The following SECISBP2 variants were observed in gnomAD, a reference collection of about 807,000 sequenced individuals.
SECISBP2 encodes the protein SECIS binding protein 2.
SECISBP2 carries 96 observed loss-of-function variants against 98.2 expected under a neutral mutation model. That is an observed-to-expected ratio of 0.98 (90% CI 0.83 to 1.16). SECISBP2 has a LOEUF of 1.16. SECISBP2 is among the 50% of genes most tolerant of loss of function. SECISBP2 has a pLI of 0.00. For synonymous variants in SECISBP2, 407 were observed against 370.2 expected (o/e 1.10, Z -1.14); for missense variants, 1,046 against 1,022.9 (o/e 1.02, Z -0.31).
downstream of SECISBP2, chr9:89,364,344 A>C: frequency 3.2e-6 from 1 of 311,738 alleles, no homozygotes; most frequent in Non-Finnish European, 6.4e-6. Flanking sequence ...GAGACATCCC[A>C]AGGCTCTGCC....
downstream of SECISBP2, chr9:89,363,575 G>A (rs1833097305): frequency 1.2e-6 from 2 of 1,610,346 alleles, no homozygotes; most frequent in Non-Finnish European, 1.7e-6. Flanking sequence ...GGGCCTTTAT[G>A]GCACCCTTGA....
In SECISBP2 at chr9:89,349,233, G is replaced by A. The variant is rs186624021; in HGVS notation, c.1739-543G>A. 1.9e-3 allele frequency among the ~76,000 whole-genome samples: 287 copies of A among 152,168 alleles called. 1 individual carries two copies. The highest frequency in any genetic ancestry group is 3.2e-3 in the Non-Finnish European group (216 of 67,994). On this transcript the variant is annotated intron_variant, in intron 12 of 16. Transcript: ENST00000375807. ...TTACTGCAATTGCATTTTGATAGTC[G>A]GTAGAAGTAACTAGTTGGGGACAGT...
At chr9:89,318,756 G>A in intron 1 of SECISBP2, 144 bp downstream of exon 1, 6 of 1,226,686 alleles carry the variant, frequency 4.9e-6, no homozygotes, top group Non-Finnish European at 6.3e-6. Flanking sequence ...CCGGGTGGCC[G>A]CGATCTTCGC....
downstream of SECISBP2, chr9:89,363,420 G>A (rs572893680): frequency 1.7e-5 from 27 of 1,611,238 alleles, no homozygotes; most frequent in South Asian, 1.1e-4. Context: ...GCCCGGCTGC[G>A]GCCACTTACC....
chr9:89,366,101 G>C, the SECISBP2 span, among the ~76,000 whole-genome samples: 8 of 152,190 alleles, frequency 5.3e-5, no homozygotes, highest in Non-Finnish European at 1.2e-4. Context: ...GTCCAAGAAG[G>C]GGGCCACAAG....
chr9:89,362,246 CCCATCAGGT>C (rs1460937018), downstream of SECISBP2: 1 of 1,283,566 alleles, frequency 7.8e-7, no homozygotes, highest in African/African-American at 1.5e-5. Flanking sequence ...CCCGCCTCTG[CCCATCAGGT>C]GGTGGCCCAA....
At chr9:89,329,017 C>A in intron 5 of SECISBP2, 131 bp downstream of exon 5, 1 of 750,886 alleles carries the variant, frequency 1.3e-6, no homozygotes, top group Non-Finnish European at 2.3e-6. Context: ...TTGGGGGAAG[C>A]CTTTCATTGT....
chr9:89,362,372 AGGTC>A, downstream of SECISBP2: 1 of 1,614,036 alleles, frequency 6.2e-7, no homozygotes, highest in Non-Finnish European at 8.5e-7. Flanking sequence ...GTTGGGGTTG[AGGTC>A]GGTGTCAGGG....
At position 89,337,017 on chromosome 9, in the gene SECISBP2, A is replaced by C. The variant is rs1035220481; in HGVS notation, c.1090-1441A>C. ...TCGAACTCCTGACCTCAGGTGATCC[A>C]TCTGCCTCGGCCTCCCCAAATGCTG... On this transcript the variant is annotated intron_variant, in intron 7 of 16. Transcript: ENST00000375807. 7.2e-5 allele frequency among the ~76,000 whole-genome samples: 11 copies of C among 152,048 alleles called. No homozygotes were observed. In the South Asian group the frequency reaches 8.3e-4, roughly 11 times the overall value.
downstream of SECISBP2, chr9:89,361,511 TCA>T (rs775638061): frequency 2.0e-5 from 3 of 152,240 alleles, no homozygotes; most frequent in Non-Finnish European, 4.4e-5. Context: ...TAGGACAAGT[TCA>T]CACACACAGT....
At chr9:89,362,412 T>C (rs781335320), downstream of SECISBP2, 4 of 1,614,042 alleles carry the variant, frequency 2.5e-6, no homozygotes, top group Non-Finnish European at 8.5e-7. Flanking sequence ...CTACAGGGTG[T>C]CCTTGCTACA....
intron 14 of SECISBP2, chr9:89,354,832 TGA>T (rs533291405): frequency 2.0e-6 from 2 of 985,202 alleles, no homozygotes; most frequent in African/African-American, 1.7e-5. Flanking sequence ...GACCCTCCAG[TGA>T]GAGAGATGCA....
At chr9:89,357,703 A>C in intron 15 of SECISBP2, 138 bp downstream of exon 15, 1 of 1,061,294 alleles carries the variant, frequency 9.4e-7, no homozygotes, top group Non-Finnish European at 1.4e-6. Flanking sequence ...CCACTTAGGC[A>C]GAACCTTCTT....
At chr9:89,332,519 G>A (rs1827928110) in intron 5 of SECISBP2, 1 of 261,728 alleles carries the variant, frequency 3.8e-6, no homozygotes, top group South Asian at 4.3e-5. Context: ...TCTTTTTATT[G>A]TCTCCACAGT....
At chr9:89,326,183 G>A (rs2131598210) in intron 4 of SECISBP2, 145 bp downstream of exon 4, 3 of 944,838 alleles carry the variant, frequency 3.2e-6, no homozygotes, top group East Asian at 2.5e-5. Flanking sequence ...AGCTTAGGGC[G>A]TCAGACTTCC....
intron 4 of SECISBP2, 105 bp downstream of exon 4, chr9:89,326,143 A>G (rs1428143772): frequency 6.5e-6 from 9 of 1,391,246 alleles, no homozygotes; most frequent in Middle Eastern, 1.8e-4. Flanking sequence ...CATTGTGACT[A>G]CTCCAAGAAA....
At chr9:89,361,973 G>C (rs1039111931), downstream of SECISBP2, 1 of 263,972 alleles carries the variant, frequency 3.8e-6, no homozygotes, top group Non-Finnish European at 7.4e-6. Flanking sequence ...TGCTAACCCT[G>C]TTGGCTATTA....
intron 6 of SECISBP2, chr9:89,334,076 T>C (rs987621426): frequency 3.6e-5 from 40 of 1,122,178 alleles, no homozygotes; most frequent in Non-Finnish European, 3.8e-5. Context: ...GCCTCTGTTC[T>C]AAAAGAAATA....
chr9:89,338,759 G>T (rs1564383954), intron 8 of SECISBP2, among the ~76,000 whole-genome samples, 179 bp downstream of exon 8: 2 of 152,262 alleles, frequency 1.3e-5, no homozygotes, highest in South Asian at 4.1e-4. Flanking sequence ...CTTCCCAGTT[G>T]TCTCAGAGCA....
Sources: allele counts gnomAD v4.1 joint callset (sites outside exome capture counted in the v4.1 genomes callset), GRCh38; gene constraint gnomAD v4.1.1; transcripts MANE v1.5; gene names NCBI Gene and HGNC (gene_info 2026-07-23, HGNC 2026-07-21).